ANGPTL6: variants seen among roughly 807,000 people sequenced by gnomAD.
ANGPTL6 encodes the protein angiopoietin like 6, also known as angiopoietin-related protein 6.
ANGPTL6 carries 45 observed loss-of-function variants against 47.4 expected under a neutral mutation model. The observed-to-expected ratio is 0.95, with a 90% CI of 0.75 to 1.22. The LOEUF is 1.22. Ranked by LOEUF, ANGPTL6 falls within the 50% of genes most tolerant of loss-of-function variation. The probability of loss-of-function intolerance (pLI) is 0.00; values close to 1 mark genes in which losing one functional copy is unlikely to be tolerated. For missense variants in ANGPTL6, 698 were observed against 669.4 expected (o/e 1.04, Z -0.47); for synonymous variants, 290 against 295.9 (o/e 0.98, Z 0.20).
chr19:10,093,413 G>A lies in ANGPTL6; in HGVS notation c.1158C>T (p.Asp386=), dbSNP rs746923714. ...RLGQYHGDAG[D]SLSWHNDKPF... is the part of the protein sequence containing the mutation. Reference sequence around the variant, plus strand: ...GCTTGTCATTGTGCCAGGAAAGAGAGTCTCCAGCATCACCATGGTACTGGC... The same window carrying A: ...GCTTGTCATTGTGCCAGGAAAGAGAATCTCCAGCATCACCATGGTACTGGC... Residue 386 remains aspartate (D), a synonymous_variant, in exon 5 of 6, where the codon GAC becomes GAT. Transcript: ENST00000253109. The A allele has an allele frequency of 6.2e-7, 1 of 1,614,196 alleles. No homozygotes were observed. The highest frequency in any genetic ancestry group is 1.1e-5 in the South Asian group (1 of 91,076).
intron 1 of ANGPTL6, among the ~76,000 whole-genome samples, chr19:10,099,560 G>C (rs974647796): frequency 8.9e-6 from 1 of 112,060 alleles, no homozygotes; most frequent in African/African-American, 3.6e-5. Context: ...CTGGGCAACA[G>C]AGCAAGACTC....
chr19:10,096,299 C>CGGCGCCGTCG lies in ANGPTL6; in HGVS notation c.255_264dup (p.Val89ArgfsTer127), dbSNP rs1275438745. 4.1e-5 allele frequency: 50 copies of CGGCGCCGTCG among 1,232,262 alleles called. No homozygotes were observed. The highest frequency in any genetic ancestry group is 2.1e-4 in the Admixed American group (5 of 23,300). 76.3% of individuals were successfully genotyped at this position (1,232,262 alleles called of 1,614,324 possible). ...CGCAGCGCGCGCACCTCGCCGGCCA[C>CGGCGCCGTCG]GGCGCCGTCGGCCGCCGCCAGCCTC... is the stretch of plus-strand genomic sequence containing the variant. On this transcript the variant is annotated frameshift_variant, in exon 2 of 6. Coordinates refer to ENST00000253109, the MANE Select transcript of ANGPTL6 (RefSeq NM_031917.3). LOFTEE classifies it high-confidence loss of function.
chr19:10,105,248 G>C (rs1462885461), upstream of ANGPTL6, among the ~76,000 whole-genome samples: 3 of 152,246 alleles, frequency 2.0e-5, no homozygotes, highest in African/African-American at 7.2e-5. Flanking sequence ...GGGCCCCTCG[G>C]CCCCCCACCC....
upstream of ANGPTL6, among the ~76,000 whole-genome samples, chr19:10,104,222 T>C (rs530568405): frequency 2.2e-4 from 34 of 152,084 alleles, no homozygotes; most frequent in African/African-American, 8.0e-4. Context: ...CCAGAGACCT[T>C]GGATTTGATA....
chr19:10,095,005 G>T, intron 2 of ANGPTL6, 67 bp from the exon 3 acceptor site: 1 of 1,434,404 alleles, frequency 7.0e-7, no homozygotes, highest in Non-Finnish European at 9.3e-7. Context: ...GGTCTCAGGG[G>T]CAGAAATGGT....
At chr19:10,093,058 A>G (rs1475758980) in intron 5 of ANGPTL6, 5 of 488,932 alleles carry the variant, frequency 1.0e-5, no homozygotes, top group Non-Finnish European at 1.8e-5. Flanking sequence ...TTCCTTTATC[A>G]AAGAAAAGTA....
At chr19:10,098,246 G>C (rs1464800466) in intron 1 of ANGPTL6, among the ~76,000 whole-genome samples, 1 of 152,064 alleles carries the variant, frequency 6.6e-6, no homozygotes, top group South Asian at 2.1e-4. Flanking sequence ...CAGCTCTTTG[G>C]GAGGCAGAGG....
Position 10,092,779 on chromosome 19 carries a change from C to A in ANGPTL6, c.1223G>T (p.Gly408Val), listed in dbSNP as rs1447939326. 4 of 1,593,222 alleles carry A rather than the reference C, an allele frequency of 2.5e-6. No individual in the cohort carries two copies. Among genetic ancestry groups the A allele is most frequent in the Non-Finnish European group, 3.4e-6 (4 of 1,164,404 alleles). ...TCCCCGCTGGTACAGGGCACAGTTA[C>A]CTGAGGGGAGAGAGAGAGTCCATGT... ...TVDRDRDSYSGNCALYQRGGW... is the reference protein window; with the variant it reads ...TVDRDRDSYSVNCALYQRGGW... The change falls in exon 6 of 6, where the codon GGT (glycine) becomes GTT (valine). Residue 408 changes from glycine to valine, a missense_variant and splice_region_variant. Gly to Val is a moderately radical substitution (Grantham distance 109, BLOSUM62 -3). Coordinates refer to ENST00000253109, the MANE Select transcript of ANGPTL6 (RefSeq NM_031917.3).
upstream of ANGPTL6, among the ~76,000 whole-genome samples, chr19:10,103,481 G>T (rs7260319): frequency 1 from 151,141 of 151,390 alleles, 75,453 homozygotes; most frequent in Middle Eastern, 1. Flanking sequence ...TCCCAGCTAC[G>T]CGGGAGGCTG....
chr19:10,098,226 C>A (rs993806308), intron 1 of ANGPTL6, among the ~76,000 whole-genome samples: 1 of 152,014 alleles, frequency 6.6e-6, no homozygotes, highest in Non-Finnish European at 1.5e-5. Flanking sequence ...GTGGCTCACA[C>A]CTGTAATCCC....
chr19:10,100,924 C>T (rs1357428000), intron 1 of ANGPTL6, among the ~76,000 whole-genome samples: 1 of 152,036 alleles, frequency 6.6e-6, no homozygotes, highest in Non-Finnish European at 1.5e-5. Context: ...GCCTGTAATC[C>T]CAGCACTTTG....
chr19:10,105,155 A>G (rs1036301526), upstream of ANGPTL6, among the ~76,000 whole-genome samples: 7 of 152,188 alleles, frequency 4.6e-5, no homozygotes, highest in African/African-American at 1.7e-4. Flanking sequence ...AGTGGACTCC[A>G]GGGTTGAAAA....
chr19:10,101,667 GCA>G (rs2088682070), intron 1 of ANGPTL6, among the ~76,000 whole-genome samples: 1 of 151,434 alleles, frequency 6.6e-6, no homozygotes, highest in Non-Finnish European at 1.5e-5. Flanking sequence ...AATTAGCTGG[GCA>G]TGGTAATGCA....
upstream of ANGPTL6, among the ~76,000 whole-genome samples, chr19:10,105,265 C>G (rs144574044): frequency 2.1e-3 from 327 of 152,390 alleles, no homozygotes; most frequent in African/African-American, 7.6e-3. Flanking sequence ...ACCCTCAGCC[C>G]CCTCTGGCTT....
chr19:10,096,758 T>C (rs184926120), intron 1 of ANGPTL6, among the ~76,000 whole-genome samples, 185 bp from the exon 2 acceptor site: 234 of 152,280 alleles, frequency 1.5e-3, no homozygotes, highest in Admixed American at 3.8e-3. Context: ...AACACCGAGC[T>C]CTTGGCGCCA....
upstream of ANGPTL6, among the ~76,000 whole-genome samples, chr19:10,105,031 A>G (rs763305718): frequency 6.6e-6 from 1 of 152,230 alleles, no homozygotes; most frequent in African/African-American, 2.4e-5. Context: ...AGCCCCACAG[A>G]GCCCAGGCCC....
At chr19:10,100,262 A>G (rs987268218) in intron 1 of ANGPTL6, among the ~76,000 whole-genome samples, 2 of 151,810 alleles carry the variant, frequency 1.3e-5, no homozygotes, top group South Asian at 2.1e-4. Context: ...AAAGAAAAAA[A>G]AGAGAGAGTC....
intron 3 of ANGPTL6, among the ~76,000 whole-genome samples, chr19:10,094,119 G>T (rs978587800): frequency 6.6e-6 from 1 of 151,682 alleles, no homozygotes; most frequent in Admixed American, 6.6e-5. Context: ...TGGGTCCCTT[G>T]TCTCTAATCA....
At chr19:10,099,828 C>CCT (rs531456080) in intron 1 of ANGPTL6, among the ~76,000 whole-genome samples, 7 of 137,876 alleles carry the variant, frequency 5.1e-5, no homozygotes, top group East Asian at 5.1e-4. Flanking sequence ...TCTGTCTCTC[C>CCT]CTCTCTCTCT....
Sources: allele counts gnomAD v4.1 joint callset (sites outside exome capture counted in the v4.1 genomes callset), GRCh38; gene constraint gnomAD v4.1.1; transcripts MANE v1.5; gene names NCBI Gene and HGNC (gene_info 2026-07-23, HGNC 2026-07-21).